GRIP1: variants seen among roughly 807,000 people sequenced by gnomAD.
The protein encoded by GRIP1 is glutamate receptor interacting protein 1, also known as glutamate receptor-interacting protein 1.
GRIP1 carries 45 observed loss-of-function variants against 129.9 expected under a neutral mutation model. The ratio of observed to expected loss-of-function variants is 0.35; its 90% CI spans 0.27 to 0.44. The LOEUF (loss-of-function observed/expected upper bound fraction) is 0.44. Among genes scored for constraint, GRIP1 ranks in the 20% least tolerant of loss-of-function variants. The pLI, the probability that GRIP1 is intolerant of heterozygous loss-of-function variation, is 1.00. For synonymous variants in GRIP1, 530 were observed against 520.8 expected (o/e 1.02, Z -0.24); for missense variants, 1,196 against 1,396.8 (o/e 0.86, Z 2.29).
At chr12:66,374,267 A>G (rs1240253429) in intron 22 of GRIP1, among the ~76,000 whole-genome samples, 2 of 152,088 alleles carry the variant, frequency 1.3e-5, no homozygotes, top group African/African-American at 2.4e-5. Flanking sequence ...GGCTCACTGC[A>G]ACCTCCACCT....
intron 1 of GRIP1, among the ~76,000 whole-genome samples, chr12:66,789,374 A>C (rs766725107): frequency 6.6e-6 from 1 of 152,204 alleles, no homozygotes; most frequent in Non-Finnish European, 1.5e-5. Flanking sequence ...ACACTGGATA[A>C]GCCATTTAAA....
chr12:66,686,066 A>T (rs1442025864), intron 1 of GRIP1, among the ~76,000 whole-genome samples: 2 of 152,332 alleles, frequency 1.3e-5, no homozygotes, highest in Non-Finnish European at 1.5e-5. Context: ...AAATTACTTT[A>T]AAAAAACAAC....
At chr12:66,846,935 G>A (rs73331130) in intron 1 of GRIP1, among the ~76,000 whole-genome samples, 2,745 of 152,232 alleles carry the variant, frequency 0.018, 79 homozygotes, top group African/African-American at 0.061. Flanking sequence ...AATGACATCA[G>A]TGGACTCTGG....
intron 13 of GRIP1, among the ~76,000 whole-genome samples, chr12:66,439,377 C>A (rs113525326): frequency 2.0e-3 from 300 of 152,274 alleles, no homozygotes; most frequent in African/African-American, 6.9e-3. Context: ...TCCTAGACAT[C>A]AGCTCCCTCA....
chr12:66,515,827 T>G, intron 6 of GRIP1, 63 bp from the exon 7 acceptor site: 1 of 1,396,406 alleles, frequency 7.2e-7, no homozygotes, highest in South Asian at 1.2e-5. Context: ...GTATTAATAG[T>G]CACTTTAGCC....
At chr12:66,852,397 G>A (rs2039928232) in intron 1 of GRIP1, among the ~76,000 whole-genome samples, 1 of 151,710 alleles carries the variant, frequency 6.6e-6, no homozygotes, top group African/African-American at 2.4e-5. Context: ...TGAGATTCGA[G>A]TAGAGTATAA....
At chr12:66,368,809 C>T (rs2055302219) in intron 23 of GRIP1, among the ~76,000 whole-genome samples, 1 of 152,190 alleles carries the variant, frequency 6.6e-6, no homozygotes, top group African/African-American at 2.4e-5. Flanking sequence ...TCAACACACA[C>T]ACAATTACCA....
chr12:66,817,454 G>A (rs2039242475), intron 1 of GRIP1, among the ~76,000 whole-genome samples: 1 of 152,066 alleles, frequency 6.6e-6, no homozygotes, highest in Non-Finnish European at 1.5e-5. Flanking sequence ...TTGTCACCCA[G>A]GCTGGAGTGC....
chr12:66,438,335 G>C (rs1364939135), intron 13 of GRIP1, among the ~76,000 whole-genome samples: 1 of 152,068 alleles, frequency 6.6e-6, no homozygotes, highest in Admixed American at 6.6e-5. Context: ...TTGTCTATAG[G>C]GACAAATGGA....
Position 66,892,562 on chromosome 12 carries a change from C to G in GRIP1, c.58+176488G>C, listed in dbSNP as rs1039926210. Among the ~76,000 whole-genome samples the G allele has an allele frequency of 2.9e-4, 43 of 149,556 alleles. No individual in the cohort carries two copies. The Admixed American group carries it at 2.9e-3, about 10-fold the overall frequency. ...ATGAGAGACCTTTTCAGGAGTCTAC[C>G]ACTCTTTTCATTTACTCACTTATAT... On this transcript the variant is annotated intron_variant, in intron 1 of 1. Transcript: ENST00000643019.
In GRIP1 at chr12:66,562,100, T is replaced by C. The variant is rs555778824; in HGVS notation, c.137-20150A>G. ...TCCAGCCTGGGTCAGAGCAAGATCC[T>C]GTCTCAAACAAAACAAAATAAAACA... On this transcript the variant is annotated intron_variant, in intron 2 of 24. Transcript: ENST00000359742. Among the ~76,000 whole-genome samples the C allele has an allele frequency of 4.5e-4, 68 of 152,272 alleles. No individual in the cohort carries two copies. In the South Asian group the frequency reaches 0.014, roughly 31 times the overall value.
intron 1 of GRIP1, among the ~76,000 whole-genome samples, chr12:67,020,839 C>A (rs2042855803): frequency 6.6e-6 from 1 of 152,064 alleles, no homozygotes; most frequent in Non-Finnish European, 1.5e-5. Flanking sequence ...GTAGCTCGCA[C>A]CTATAATCCC....
At chr12:66,898,713 A>G (rs559987095) in intron 1 of GRIP1, among the ~76,000 whole-genome samples, 1 of 152,032 alleles carries the variant, frequency 6.6e-6, no homozygotes, top group South Asian at 2.1e-4. Flanking sequence ...GCAATTTACA[A>G]TCCCTTATCG....
chr12:66,404,333 C>T (rs1008010214), intron 16 of GRIP1, among the ~76,000 whole-genome samples: 59 of 152,176 alleles, frequency 3.9e-4, no homozygotes, highest in African/African-American at 1.4e-3. Context: ...ATCTAGATGA[C>T]CTGATTAACA....
intron 1 of GRIP1, among the ~76,000 whole-genome samples, chr12:66,750,069 C>T (rs1367544703): frequency 6.6e-6 from 1 of 152,134 alleles, no homozygotes; most frequent in Non-Finnish European, 1.5e-5. Flanking sequence ...GTGTATATGT[C>T]TACAGTGTAC....
At chr12:66,702,768 TAACAA>T (rs1161494964) in intron 1 of GRIP1, among the ~76,000 whole-genome samples, 2 of 152,312 alleles carry the variant, frequency 1.3e-5, no homozygotes, top group African/African-American at 4.8e-5. Flanking sequence ...TCATTCTACT[TAACAA>T]GAGGAGGTCT....
chr12:66,930,724 TA>T (rs1190015338), intron 1 of GRIP1, among the ~76,000 whole-genome samples: 6 of 152,318 alleles, frequency 3.9e-5, no homozygotes, highest in South Asian at 2.1e-4. Context: ...CTCTTTCCCT[TA>T]ACCTGCCCTG....
chr12:66,472,776 G>A (rs1177125968), intron 7 of GRIP1, among the ~76,000 whole-genome samples: 1 of 152,166 alleles, frequency 6.6e-6, no homozygotes, highest in African/African-American at 2.4e-5. Flanking sequence ...GTGCTGTGAG[G>A]AATGGTGCAC....
intron 1 of GRIP1, among the ~76,000 whole-genome samples, chr12:66,823,219 T>G (rs1336335956): frequency 5.9e-5 from 9 of 152,130 alleles, no homozygotes; most frequent in Admixed American, 5.9e-4. Flanking sequence ...GATTACATAA[T>G]CCTCAGACAT....
Sources: gnomAD v4.1 joint callset for allele counts (sites outside exome capture counted in the v4.1 genomes callset) on GRCh38, gnomAD v4.1.1 for gene constraint, MANE v1.5 for transcripts, NCBI Gene and HGNC (gene_info 2026-07-23, HGNC 2026-07-21) for gene names.